Variants in NELL1 observed in about 807,000 individuals in gnomAD.
NELL1 encodes the protein neural EGFL like 1.
NELL1 carries 76 observed loss-of-function variants against 107.4 expected under a neutral mutation model. The observed-to-expected ratio is 0.71, with a 90% CI of 0.59 to 0.86. NELL1 has a LOEUF of 0.86. Ranked by LOEUF, NELL1 falls within the 40% of genes least tolerant of loss-of-function variation. The pLI is 0.00. For synonymous variants in NELL1, 353 were observed against 341.2 expected (o/e 1.03, Z -0.38); for missense variants, 1,024 against 1,005.5 (o/e 1.02, Z -0.25).
At chr11:20,988,157 A>T (rs557390449) in intron 12 of NELL1, among the ~76,000 whole-genome samples, 2 of 152,282 alleles carry the variant, frequency 1.3e-5, no homozygotes, top group East Asian at 3.9e-4. Flanking sequence ...TCCTTAATGC[A>T]ATAAATTCCC....
At position 20,919,433 on chromosome 11, in the gene NELL1, A is replaced by G. The variant is rs559491608; in HGVS notation, c.759+99A>G. The G allele has an allele frequency of 1.7e-5, 12 of 714,942 alleles. No individual in the cohort carries two copies. In the East Asian group the frequency reaches 2.9e-4, roughly 17 times the overall value. The allele number at this position is 714,942 out of a possible 1,614,324, so 44.3% of individuals were successfully genotyped here. A position where few individuals can be genotyped will look rare whatever the true frequency, so the allele number is the denominator to read the frequency against. On this transcript the variant is annotated intron_variant, in intron 7 of 19. Coordinates refer to ENST00000357134, the MANE Select transcript of NELL1 (RefSeq NM_006157.5). ...TAATGGAAACATTTTTAGCCTCGGC[A>G]TCTGCTATATGTTACTACAAAAATG...
At chr11:21,287,526 A>T (rs987165795) in intron 14 of NELL1, among the ~76,000 whole-genome samples, 4 of 152,146 alleles carry the variant, frequency 2.6e-5, no homozygotes, top group African/African-American at 9.7e-5. Context: ...CAGGTTCACC[A>T]TGTCTGTCCC....
At chr11:21,369,923 C>G (rs1046349375) in intron 14 of NELL1, among the ~76,000 whole-genome samples, 1 of 152,032 alleles carries the variant, frequency 6.6e-6, no homozygotes, top group African/African-American at 2.4e-5. Flanking sequence ...TCTAACAAAT[C>G]AGTTTTGAGC....
At chr11:21,223,521 C>T (rs937539083) in intron 13 of NELL1, among the ~76,000 whole-genome samples, 3 of 151,936 alleles carry the variant, frequency 2.0e-5, no homozygotes, top group Non-Finnish European at 4.4e-5. Context: ...CCATTCAGCC[C>T]GTCCATATAT....
In NELL1 at chr11:20,910,361, TC is replaced by T. The variant is rs538128926; in HGVS notation, c.604-7816del. On this transcript the variant is annotated intron_variant, in intron 5 of 19. Transcript: ENST00000357134. Reference sequence around the variant, plus strand: ...AGACTTAAGGGATGGGGAAACAGACTCCCCCTCTTGAAGTGAGGGTGTACAA... The same window carrying T: ...AGACTTAAGGGATGGGGAAACAGACTCCCCTCTTGAAGTGAGGGTGTACAA... 2.6e-3 allele frequency among the ~76,000 whole-genome samples: 391 copies of T among 152,190 alleles called. 1 individual carries two copies. Among genetic ancestry groups the T allele is most frequent in the Admixed American group, 7.9e-3 (120 of 15,272 alleles).
intron 14 of NELL1, among the ~76,000 whole-genome samples, chr11:21,357,304 A>G (rs1294842529): frequency 2.0e-5 from 3 of 152,156 alleles, no homozygotes; most frequent in African/African-American, 7.2e-5. Context: ...CACCACATCC[A>G]TGCCAACATC....
chr11:20,994,146 G>T (rs996121367), intron 12 of NELL1, among the ~76,000 whole-genome samples: 1 of 152,124 alleles, frequency 6.6e-6, no homozygotes, highest in African/African-American at 2.4e-5. Context: ...CCTTATATTA[G>T]CTTTTAAGCC....
chr11:20,724,387 A>G (rs1590235384), intron 2 of NELL1, among the ~76,000 whole-genome samples: 2 of 152,188 alleles, frequency 1.3e-5, no homozygotes, highest in African/African-American at 2.4e-5. Flanking sequence ...CTTCGTGAGC[A>G]TATATAACTG....
intron 13 of NELL1, among the ~76,000 whole-genome samples, chr11:21,167,986 G>T (rs1019175631): frequency 6.6e-6 from 1 of 151,602 alleles, no homozygotes; most frequent in African/African-American, 2.4e-5. Context: ...ATCTGTAATA[G>T]TTTGCTCATT....
At chr11:21,439,177 A>G (rs1390885261) in intron 15 of NELL1, among the ~76,000 whole-genome samples, 1 of 152,024 alleles carries the variant, frequency 6.6e-6, no homozygotes, top group Non-Finnish European at 1.5e-5. Flanking sequence ...TAGACCTAAG[A>G]GTCAGAGAAA....
chr11:21,240,036 A>G (rs1858312467), intron 14 of NELL1, among the ~76,000 whole-genome samples: 1 of 152,082 alleles, frequency 6.6e-6, no homozygotes. Context: ...TGCTTGCCAC[A>G]TAGACATTCC....
chr11:20,890,554 A>G (rs1042248458), intron 5 of NELL1, among the ~76,000 whole-genome samples: 1 of 152,096 alleles, frequency 6.6e-6, no homozygotes, highest in African/African-American at 2.4e-5. Flanking sequence ...GGGTAATAAC[A>G]AACTCCTCTG....
intron 12 of NELL1, among the ~76,000 whole-genome samples, chr11:21,089,834 A>G (rs919031255): frequency 2.0e-5 from 3 of 152,158 alleles, no homozygotes; most frequent in African/African-American, 4.8e-5. Context: ...GGATATTTCA[A>G]AAGAGGAAGG....
At chr11:21,481,479 G>A (rs1005530736) in intron 15 of NELL1, among the ~76,000 whole-genome samples, 3 of 152,188 alleles carry the variant, frequency 2.0e-5, no homozygotes, top group African/African-American at 7.2e-5. Context: ...AGAGAGTAAT[G>A]TAAGGGTTGC....
At chr11:20,763,379 A>G (rs1248779971) in intron 2 of NELL1, among the ~76,000 whole-genome samples, 1 of 152,214 alleles carries the variant, frequency 6.6e-6, no homozygotes, top group Non-Finnish European at 1.5e-5. Context: ...GTGCATGATC[A>G]CATGTGTTAA....
intron 15 of NELL1, among the ~76,000 whole-genome samples, chr11:21,395,098 A>G (rs1851953842): frequency 6.6e-6 from 1 of 151,542 alleles, no homozygotes; most frequent in African/African-American, 2.4e-5. Flanking sequence ...CAAATTACCT[A>G]TGAAAAGTGT....
chr11:20,945,892 T>G (rs1175919000), intron 10 of NELL1, among the ~76,000 whole-genome samples: 1 of 152,036 alleles, frequency 6.6e-6, no homozygotes, highest in Non-Finnish European at 1.5e-5. Context: ...TAGGGACAAT[T>G]GTAAGATAGT....
chr11:20,840,840 T>C (rs922968999), intron 3 of NELL1, among the ~76,000 whole-genome samples: 1 of 152,212 alleles, frequency 6.6e-6, no homozygotes, highest in Non-Finnish European at 1.5e-5. Flanking sequence ...ATGGGAGATA[T>C]TGTGTCTCAA....
chr11:21,008,679 C>T (rs1369605620), intron 12 of NELL1, among the ~76,000 whole-genome samples: 1 of 151,920 alleles, frequency 6.6e-6, no homozygotes, highest in African/African-American at 2.4e-5. Flanking sequence ...GAGACCTATA[C>T]CCATCCTCAC....
Sources: gnomAD v4.1 joint callset for allele counts (sites outside exome capture counted in the v4.1 genomes callset) on GRCh38, gnomAD v4.1.1 for gene constraint, MANE v1.5 for transcripts, NCBI Gene and HGNC (gene_info 2026-07-23, HGNC 2026-07-21) for gene names.